The following MOB1B variants were observed in gnomAD, a reference collection of about 807,000 sequenced individuals.
MOB1B encodes the protein MOB kinase activator 1B.
A neutral mutation model predicts 24.4 loss-of-function variants in MOB1B; 19 were observed. That is an observed-to-expected ratio of 0.78 (90% CI 0.54 to 1.14). The LOEUF is 1.14. Ranked by LOEUF, MOB1B falls within the 50% of genes most tolerant of loss-of-function variation. MOB1B has a pLI of 0.00. For missense variants in MOB1B, 243 were observed against 259.6 expected, an observed-to-expected ratio of 0.94 and a Z score of 0.44; for synonymous variants, 76 against 82.1, an observed-to-expected ratio of 0.93 and a Z score of 0.40.
At chr4:70,905,141 A>G (rs1238429215) in intron 1 of MOB1B, among the ~76,000 whole-genome samples, 1 of 152,220 alleles carries the variant, frequency 6.6e-6, no homozygotes, top group Non-Finnish European at 1.5e-5. Context: ...TAAAAATCCA[A>G]AGTGAACACC....
chr4:70,956,297 T>A (rs1254484886), intron 1 of MOB1B, among the ~76,000 whole-genome samples: 3 of 152,204 alleles, frequency 2.0e-5, no homozygotes, highest in African/African-American at 4.8e-5. Flanking sequence ...AAAAAAATTT[T>A]AAATATATTT....
At chr4:70,978,287 A>G (rs761395635) in intron 4 of MOB1B, among the ~76,000 whole-genome samples, 3 of 152,186 alleles carry the variant, frequency 2.0e-5, no homozygotes, top group Non-Finnish European at 4.4e-5. Context: ...ATAATATTTC[A>G]TTGTGTATAT....
chr4:70,934,615 G>C (rs914528146), intron 1 of MOB1B, among the ~76,000 whole-genome samples: 8 of 150,706 alleles, frequency 5.3e-5, no homozygotes, highest in Non-Finnish European at 1.0e-4. Flanking sequence ...CACCATGCTT[G>C]GCTAATTTTT....
At chr4:70,980,453 G>A (rs1052123604) in intron 5 of MOB1B, among the ~76,000 whole-genome samples, 2 of 152,174 alleles carry the variant, frequency 1.3e-5, no homozygotes, top group East Asian at 3.9e-4. Flanking sequence ...CAAATAGCAA[G>A]GGATTGATAC....
intron 1 of MOB1B, among the ~76,000 whole-genome samples, chr4:70,948,023 CTA>C (rs1314434724): frequency 6.6e-6 from 1 of 152,138 alleles, no homozygotes; most frequent in African/African-American, 2.4e-5. Context: ...AGATTTTCTT[CTA>C]TGTTTTCTTC....
At chr4:70,902,351 C>G, upstream of MOB1B, 1 of 687,432 alleles carries the variant, frequency 1.5e-6, no homozygotes, top group Non-Finnish European at 2.6e-6. Flanking sequence ...CTACCCACTT[C>G]CGCCCCCTCC....
intron 5 of MOB1B, 44 bp downstream of exon 5, chr4:70,979,335 A>G (rs1487158448): frequency 2.0e-6 from 3 of 1,484,428 alleles, no homozygotes; most frequent in Admixed American, 1.7e-5. Context: ...GTAAGCATTT[A>G]TCTTCATAGT....
intron 1 of MOB1B, among the ~76,000 whole-genome samples, chr4:70,954,839 A>G (rs1019995448): frequency 2.7e-5 from 4 of 150,294 alleles, no homozygotes; most frequent in African/African-American, 4.9e-5. Context: ...GCATATGTCT[A>G]TAATCCCAGC....
rs376072053 is a variant in MOB1B at position 70,976,753 on chromosome 4, C to CATATATATATATATATATAT, written c.409+1470_409+1489dup. ...AGAGCAATTTTTCAAGACTGAATTA[C>CATATATATATATATATATAT]ATATATATATATATATATATATCTC... On this transcript the variant is annotated intron_variant, in intron 4 of 5. Coordinates refer to ENST00000309395, the MANE Select transcript of MOB1B (RefSeq NM_173468.4). The CATATATATATATATATATAT allele has an allele frequency of 2.8e-4, 50 of 181,386 alleles. 1 individual carries two copies. The highest frequency in any genetic ancestry group is 1.3e-3 in the African/African-American group (43 of 32,258). The allele number at this position is 181,386 out of a possible 1,614,324, so 11.2% of individuals were successfully genotyped here.
intron 1 of MOB1B, among the ~76,000 whole-genome samples, chr4:70,914,968 C>A (rs527853396): frequency 2.0e-5 from 3 of 152,210 alleles, no homozygotes; most frequent in Admixed American, 2.0e-4. Context: ...CCTATGAATC[C>A]TATGTTTAGG....
intron 1 of MOB1B, among the ~76,000 whole-genome samples, chr4:70,921,763 T>C (rs1736449605): frequency 6.6e-6 from 1 of 152,058 alleles, no homozygotes; most frequent in East Asian, 1.9e-4. Flanking sequence ...CACCTTGGCC[T>C]CCCAAAGTGC....
intron 1 of MOB1B, among the ~76,000 whole-genome samples, chr4:70,948,102 A>G (rs1453101859): frequency 2.0e-5 from 3 of 152,150 alleles, no homozygotes; most frequent in Admixed American, 1.3e-4. Context: ...GTTTTGTGAA[A>G]GGTGCAAGAT....
chr4:70,903,974 CTTTT>C (rs754257097), intron 1 of MOB1B, among the ~76,000 whole-genome samples: 4 of 81,018 alleles, frequency 4.9e-5, no homozygotes, highest in South Asian at 5.4e-4. Flanking sequence ...TATTTTAGTT[CTTTT>C]TTTTTTTTTT....
chr4:70,959,338 T>G (rs1413502464), intron 2 of MOB1B, among the ~76,000 whole-genome samples: 2 of 152,128 alleles, frequency 1.3e-5, no homozygotes, highest in Non-Finnish European at 2.9e-5. Context: ...GCCTCTAGCG[T>G]AGCTGGGACT....
intron 1 of MOB1B, among the ~76,000 whole-genome samples, chr4:70,941,264 G>A (rs1181197942): frequency 6.6e-6 from 1 of 150,926 alleles, no homozygotes; most frequent in Non-Finnish European, 1.5e-5. Flanking sequence ...CATGAAATAT[G>A]TTCTCAGTAC....
chr4:70,945,798 A>G (rs531740497), intron 1 of MOB1B, among the ~76,000 whole-genome samples: 75 of 152,350 alleles, frequency 4.9e-4, no homozygotes, highest in South Asian at 2.9e-3. Flanking sequence ...GTCTTAGGAT[A>G]TCAGGGAAGC....
rs111314819 is a variant in MOB1B at position 70,920,530 on chromosome 4, T to C, written c.14+17980T>C. Among the ~76,000 whole-genome samples, 306 of 152,330 alleles carry C rather than the reference T, an allele frequency of 2.0e-3. 2 individuals are homozygous for C. The highest frequency in any genetic ancestry group is 4.1e-3 in the Admixed American group (62 of 15,278). ...ATGAGCCACTGAACCTGGCTTCTTA[T>C]TATTACAGCAATTAATTTAAAACTT... is the stretch of plus-strand genomic sequence containing the variant. On this transcript the variant is annotated intron_variant, in intron 1 of 5. Transcript: ENST00000309395.
intron 2 of MOB1B, among the ~76,000 whole-genome samples, chr4:70,968,183 A>G (rs1382264089): frequency 6.6e-6 from 1 of 151,990 alleles, no homozygotes; most frequent in African/African-American, 2.4e-5. Flanking sequence ...ACATGTCAAA[A>G]GTCACAAATA....
chr4:70,948,644 G>A (rs1737680314), intron 1 of MOB1B, among the ~76,000 whole-genome samples: 2 of 152,036 alleles, frequency 1.3e-5, no homozygotes, highest in South Asian at 4.1e-4. Flanking sequence ...TAGATATATT[G>A]TTGAGTAGTT....
Sources: gnomAD v4.1 joint callset for allele counts (sites outside exome capture counted in the v4.1 genomes callset) on GRCh38, gnomAD v4.1.1 for gene constraint, MANE v1.5 for transcripts, NCBI Gene and HGNC (gene_info 2026-07-23, HGNC 2026-07-21) for gene names.